COL13A1: variants seen among roughly 807,000 people sequenced by gnomAD.
The protein encoded by COL13A1 is collagen type XIII alpha 1 chain.
COL13A1 carries 89 observed loss-of-function variants against 130.9 expected under a neutral mutation model. The ratio of observed to expected loss-of-function variants is 0.68; its 90% confidence interval spans 0.57 to 0.81. The LOEUF (loss-of-function observed/expected upper bound fraction) is 0.81. Ranked by LOEUF, COL13A1 falls within the 30% of genes least tolerant of loss-of-function variation. The pLI is 0.00. For synonymous variants in COL13A1, 402 were observed against 341.6 expected, an observed-to-expected ratio of 1.18 and a Z score of -1.95; for missense variants, 879 against 934.6, an observed-to-expected ratio of 0.94 and a Z score of 0.78.
chr10:69,908,525 G>C (rs2063030327), intron 17 of COL13A1, among the ~76,000 whole-genome samples: 1 of 152,194 alleles, frequency 6.6e-6, no homozygotes, highest in Non-Finnish European at 1.5e-5. Context: ...GCCCTTGGCT[G>C]GCATCATACC....
At chr10:69,811,228 C>T (rs1253161493) in intron 1 of COL13A1, among the ~76,000 whole-genome samples, 2 of 152,196 alleles carry the variant, frequency 1.3e-5, no homozygotes, top group Non-Finnish European at 2.9e-5. Flanking sequence ...TCCCTTCAGG[C>T]GCTTCGGTTT....
intron 37 of COL13A1, among the ~76,000 whole-genome samples, chr10:69,946,107 AT>A (rs61369456): frequency 0.37 from 50,874 of 138,318 alleles, 9,064 homozygotes; most frequent in African/African-American, 0.41. Context: ...AAAAAAAAAA[AT>A]CACCTAGGGC....
intron 27 of COL13A1, among the ~76,000 whole-genome samples, chr10:69,927,785 C>A (rs1238028437): frequency 6.6e-6 from 1 of 152,230 alleles, no homozygotes; most frequent in Non-Finnish European, 1.5e-5. Context: ...AATCAAACAC[C>A]ACTTCTGTGA....
intron 2 of COL13A1, among the ~76,000 whole-genome samples, chr10:69,863,831 C>G (rs1858961908): frequency 6.6e-6 from 1 of 152,150 alleles, no homozygotes. Flanking sequence ...AATCCCAGCA[C>G]TTTGGGAGCC....
At chr10:69,853,016 G>GC (rs1352712506) in intron 2 of COL13A1, among the ~76,000 whole-genome samples, 3 of 148,764 alleles carry the variant, frequency 2.0e-5, no homozygotes, top group South Asian at 2.1e-4. Flanking sequence ...GGGCGGGGGA[G>GC]CGGGGGGAGG....
intron 31 of COL13A1, among the ~76,000 whole-genome samples, chr10:69,933,214 C>A (rs1461851547): frequency 6.9e-6 from 1 of 145,764 alleles, no homozygotes; most frequent in Non-Finnish European, 1.5e-5. Flanking sequence ...TGGGCACTAG[C>A]ATGGGAGCAA....
intron 13 of COL13A1, among the ~76,000 whole-genome samples, chr10:69,895,994 G>T (rs533256466): frequency 1.2e-4 from 19 of 152,266 alleles, no homozygotes; most frequent in African/African-American, 3.6e-4. Flanking sequence ...CGGTAGGGGG[G>T]TGGTGTCTGG....
chr10:69,935,380 C>T lies in COL13A1; in HGVS notation c.1759C>T (p.Pro587Ser), dbSNP rs550388008. 5.1e-6 allele frequency: 8 copies of T among 1,569,380 alleles called. No individual in the cohort carries two copies. In the South Asian group the frequency reaches 9.5e-5, roughly 19 times the overall value. The part of the protein sequence containing the change: ...VPGLPGPEGP[P>S]GPPGLQGVPG... ...TGGGCTGCCAGGGCCAGAGGGGCCT[C>T]CCGGACCTCCGGTAAGTTTGGAGGG... The change falls in exon 32 of 41, where the codon CCC (proline) becomes TCC (serine). Residue 587 changes from proline (P) to serine (S), a missense_variant. Pro to Ser is a moderately conservative substitution (Grantham distance 74). Transcript: ENST00000645393.
rs775732925 is a variant in COL13A1, at chr10:69,925,881, G to C, written c.1398+9G>C. On this transcript the variant is annotated intron_variant, in intron 26 of 40. Coordinates refer to ENST00000645393, the MANE Select transcript of COL13A1 (RefSeq NM_001368882.1). ...TCAATGAGGCTCTCCAGGTGAGCAG[G>C]GTCCAGCCCAGAGGCCAAGATCCTC... The C allele has an allele frequency of 4.1e-5, 65 of 1,584,246 alleles. No homozygotes were observed. In the East Asian group the frequency reaches 1.5e-3, roughly 36 times the overall value.
rs2132642598 is a variant in COL13A1 at position 69,823,068 on chromosome 10, G to A, written c.364+630G>A. ...CTTTCGCCACTTACTAGCTCTGTAT[G>A]GGTGGAGCCCTGACCTGTCTATTCT... On this transcript the variant is annotated intron_variant, in intron 2 of 40. Transcript: ENST00000645393. Among the ~76,000 whole-genome samples, 2 of 152,352 alleles carry A rather than the reference G, an allele frequency of 1.3e-5. 1 individual carries two copies. The highest frequency in any genetic ancestry group is 6.8e-3 in the Middle Eastern group (2 of 294).
At chr10:69,919,006 G>C (rs1206459950) in intron 19 of COL13A1, 56 bp from the exon 20 acceptor site, 18 of 1,611,116 alleles carry the variant, frequency 1.1e-5, no homozygotes, top group Non-Finnish European at 1.4e-5. Flanking sequence ...CAGGTGCCTT[G>C]CTCATTTGTT....
At chr10:69,850,008 T>C (rs1854295827) in intron 2 of COL13A1, among the ~76,000 whole-genome samples, 1 of 152,158 alleles carries the variant, frequency 6.6e-6, no homozygotes, top group Admixed American at 6.5e-5. Context: ...AAAGCGGGAT[T>C]TGCAGAGCCT....
chr10:69,939,198 G>A (rs2067311073), intron 34 of COL13A1, among the ~76,000 whole-genome samples: 2 of 152,180 alleles, frequency 1.3e-5, no homozygotes, highest in East Asian at 3.8e-4. Context: ...GGGAGTGGAG[G>A]GGACTGTGGT....
chr10:69,831,606 T>C (rs533614937), intron 2 of COL13A1, among the ~76,000 whole-genome samples: 2 of 151,940 alleles, frequency 1.3e-5, no homozygotes, highest in South Asian at 4.2e-4. Flanking sequence ...AGACTCGAGG[T>C]GATAGGGAGA....
chr10:69,912,051 T>C (rs2063438460), intron 17 of COL13A1, among the ~76,000 whole-genome samples: 1 of 152,192 alleles, frequency 6.6e-6, no homozygotes, highest in Non-Finnish European at 1.5e-5. Context: ...GAAATCCTAG[T>C]GGGGACCATT....
chr10:69,875,759 G>A (rs958991079), intron 5 of COL13A1, among the ~76,000 whole-genome samples: 1 of 152,238 alleles, frequency 6.6e-6, no homozygotes, highest in Non-Finnish European at 1.5e-5. Context: ...CCCAGAAATG[G>A]GAAGGCCAGC....
intron 7 of COL13A1, among the ~76,000 whole-genome samples, chr10:69,884,207 G>T (rs1412894386): frequency 1.3e-5 from 2 of 152,188 alleles, no homozygotes; most frequent in African/African-American, 4.8e-5. Flanking sequence ...TTGGACGGCT[G>T]GCAAGAGTGG....
At chr10:69,813,561 C>A (rs1032314102) in intron 1 of COL13A1, among the ~76,000 whole-genome samples, 3 of 152,120 alleles carry the variant, frequency 2.0e-5, no homozygotes, top group African/African-American at 7.2e-5. Flanking sequence ...AGTCTGTGAT[C>A]AGGTGCCAAG....
intron 13 of COL13A1, among the ~76,000 whole-genome samples, 172 bp downstream of exon 13, chr10:69,895,748 C>T (rs575881091): frequency 6.6e-6 from 1 of 152,174 alleles, no homozygotes; most frequent in African/African-American, 2.4e-5. Flanking sequence ...GATGGTGGTG[C>T]GTCTGGTGGG....
Sources: allele counts gnomAD v4.1 joint callset (sites outside exome capture counted in the v4.1 genomes callset), GRCh38; gene constraint gnomAD v4.1.1; transcripts MANE v1.5; gene names NCBI Gene and HGNC (gene_info 2026-07-23, HGNC 2026-07-21).